Variants in EML6 observed in about 807,000 individuals in gnomAD.
EML6 encodes echinoderm microtubule-associated protein-like 6.
EML6 carries 154 observed loss-of-function variants against 240.1 expected under a neutral mutation model. The ratio of observed to expected loss-of-function variants is 0.64; its 90% CI spans 0.56 to 0.73. The LOEUF is 0.73. Among genes scored for constraint, EML6 ranks in the 30% least tolerant of loss-of-function variants. The pLI is 0.00. For synonymous variants in EML6, 1,148 were observed against 899.0 expected (o/e 1.28, Z -4.95); for missense variants, 2,964 against 2,474.6 (o/e 1.20, Z -4.20).
chr2:54,942,050 C>T (rs1675457564), intron 28 of EML6, among the ~76,000 whole-genome samples: 1 of 152,156 alleles, frequency 6.6e-6, no homozygotes, highest in African/African-American at 2.4e-5. Flanking sequence ...GAATATGATG[C>T]TATTTTCATA....
intron 19 of EML6, among the ~76,000 whole-genome samples, chr2:54,893,895 A>C (rs1262733879): frequency 6.6e-6 from 1 of 152,206 alleles, no homozygotes; most frequent in Non-Finnish European, 1.5e-5. Flanking sequence ...AACTGCAAGT[A>C]TTAGAAAAGA....
intron 24 of EML6, among the ~76,000 whole-genome samples, chr2:54,905,629 GC>G (rs1233664604): frequency 1.3e-5 from 2 of 152,082 alleles, no homozygotes; most frequent in Admixed American, 6.6e-5. Context: ...AACCATCACT[GC>G]CCCCATCTCA....
intron 2 of EML6, among the ~76,000 whole-genome samples, chr2:54,764,811 T>C (rs1031937150): frequency 6.6e-6 from 1 of 152,234 alleles, no homozygotes; most frequent in African/African-American, 2.4e-5. Flanking sequence ...ATTTGGTATA[T>C]GCATGGTAGG....
At chr2:54,800,194 G>A (rs749012439) in intron 2 of EML6, among the ~76,000 whole-genome samples, 2 of 151,628 alleles carry the variant, frequency 1.3e-5, no homozygotes, top group Non-Finnish European at 2.9e-5. Flanking sequence ...GCAGTGAGCC[G>A]AGATCACACT....
At position 54,819,755 on chromosome 2, in the gene EML6, C is replaced by T. The variant is rs896326301; in HGVS notation, c.457-639C>T. Among the ~76,000 whole-genome samples the T allele has an allele frequency of 3.9e-5, 5 of 126,614 alleles. 1 individual carries two copies. The highest frequency in any genetic ancestry group is 8.8e-5 in the African/African-American group (3 of 34,132). The allele number at this position is 126,614 out of a possible 152,430, so 83.1% of individuals were successfully genotyped here. On this transcript the variant is annotated intron_variant, in intron 4 of 41. Transcript: ENST00000356458. ...ACGCCACTGCACTCCAGCCTGGTGA[C>T]GGAGCGAGACTGTCTCAGAAAAAAA...
chr2:54,799,118 T>G (rs935056090), intron 2 of EML6, among the ~76,000 whole-genome samples: 1 of 152,254 alleles, frequency 6.6e-6, no homozygotes, highest in Non-Finnish European at 1.5e-5. Flanking sequence ...TGGAGTGCAG[T>G]GGCACCATCT....
intron 2 of EML6, among the ~76,000 whole-genome samples, chr2:54,789,808 T>C (rs1669329253): frequency 6.6e-6 from 1 of 152,190 alleles, no homozygotes; most frequent in Non-Finnish European, 1.5e-5. Flanking sequence ...GAATCCAGAG[T>C]TAACTCCAGC....
intron 2 of EML6, among the ~76,000 whole-genome samples, chr2:54,772,175 C>G (rs1204206392): frequency 6.6e-6 from 1 of 152,196 alleles, no homozygotes; most frequent in Admixed American, 6.5e-5. Flanking sequence ...TTGTGCCAGA[C>G]ATTGTGCTAG....
intron 3 of EML6, among the ~76,000 whole-genome samples, chr2:54,813,779 C>A (rs1388802088): frequency 1.3e-5 from 2 of 152,202 alleles, no homozygotes; most frequent in Admixed American, 1.3e-4. Flanking sequence ...CTCTTGCTTT[C>A]AAAAGATGAC....
intron 17 of EML6, among the ~76,000 whole-genome samples, chr2:54,886,333 T>G (rs906671499): frequency 1.3e-5 from 2 of 151,658 alleles, no homozygotes; most frequent in Non-Finnish European, 2.9e-5. Context: ...GCCTGGCTAA[T>G]TTTTTGTATT....
chr2:54,847,542 T>C lies in EML6; in HGVS notation c.1106T>C (p.Val369Ala). 1.3e-6 allele frequency: 2 copies of C among 1,552,164 alleles called. No individual in the cohort carries two copies. Among genetic ancestry groups the C allele is most frequent in the Non-Finnish European group, 1.7e-6 (2 of 1,147,100 alleles). The change falls in exon 9 of 42, where the codon GTT (valine) becomes GCT (alanine). Residue 369 changes from valine to alanine, a missense_variant. Val to Ala is a moderately conservative substitution (Grantham distance 64, BLOSUM62 0). Coordinates refer to ENST00000356458, the MANE Select transcript of EML6 (RefSeq NM_001039753.4). ...GCCCGCTGTAACATGGAAGAGGCGGTTCGCAGTGTAGCTTTCAGCCCCGAC... is the reference window on the plus strand; with the variant it reads ...GCCCGCTGTAACATGGAAGAGGCGGCTCGCAGTGTAGCTTTCAGCCCCGAC... ...LIARCNMEEAVRSVAFSPDGS... is the reference protein window; with the variant it reads ...LIARCNMEEAARSVAFSPDGS...
At chr2:54,923,779 CCTT>C (rs1359237525) in intron 26 of EML6, among the ~76,000 whole-genome samples, 1 of 152,130 alleles carries the variant, frequency 6.6e-6, no homozygotes, top group Non-Finnish European at 1.5e-5. Flanking sequence ...TCCTCATACT[CCTT>C]CTGGGCCAGT....
At chr2:54,751,901 T>C (rs1384518566) in intron 2 of EML6, among the ~76,000 whole-genome samples, 2 of 152,190 alleles carry the variant, frequency 1.3e-5, no homozygotes, top group East Asian at 3.8e-4. Context: ...ATAAGGGTGA[T>C]AGGCCTTTGG....
chr2:54,826,613 A>C (rs1018167982), intron 5 of EML6, among the ~76,000 whole-genome samples: 3 of 152,106 alleles, frequency 2.0e-5, no homozygotes, highest in Admixed American at 6.5e-5. Flanking sequence ...CTGCCCCCCC[A>C]AAAAAACTAT....
chr2:54,877,855 G>T (rs1374529404), intron 16 of EML6, among the ~76,000 whole-genome samples: 1 of 152,182 alleles, frequency 6.6e-6, no homozygotes, highest in Non-Finnish European at 1.5e-5. Flanking sequence ...AGAGGATTTG[G>T]TTTGTTAAAC....
chr2:54,902,870 C>T (rs1374246571), intron 22 of EML6, among the ~76,000 whole-genome samples, 174 bp from the exon 23 acceptor site: 2 of 152,210 alleles, frequency 1.3e-5, no homozygotes, highest in Admixed American at 1.3e-4. Context: ...CTGCTGCGCC[C>T]AGACAAGAGG....
At chr2:54,943,366 C>T (rs1261988609) in intron 28 of EML6, among the ~76,000 whole-genome samples, 2 of 152,194 alleles carry the variant, frequency 1.3e-5, no homozygotes, top group East Asian at 3.8e-4. Flanking sequence ...CTGTGTCACT[C>T]TCCCACAGCC....
rs142782372 is a variant in EML6, at chr2:54,858,025, A to G, written c.1658-1509A>G. Among the ~76,000 whole-genome samples, 4 of 152,322 alleles carry G rather than the reference A, an allele frequency of 2.6e-5. No individual in the cohort carries two copies. The East Asian group carries it at 7.7e-4, about 29-fold the overall frequency. ...TAAATGCACAAACATTTATTATATC[A>G]TGGTTTCTGGGAGTCAAGGAGTCCC... On this transcript the variant is annotated intron_variant, in intron 11 of 41. Coordinates refer to ENST00000356458, the MANE Select transcript of EML6 (RefSeq NM_001039753.4).
intron 7 of EML6, among the ~76,000 whole-genome samples, chr2:54,841,749 T>C (rs971611322): frequency 6.6e-6 from 1 of 152,012 alleles, no homozygotes; most frequent in Non-Finnish European, 1.5e-5. Flanking sequence ...CGTGCTACCA[T>C]GTCCAGCTAA....
Sources: allele counts gnomAD v4.1 joint callset (sites outside exome capture counted in the v4.1 genomes callset), GRCh38; gene constraint gnomAD v4.1.1; transcripts MANE v1.5; gene names NCBI Gene and HGNC (gene_info 2026-07-23, HGNC 2026-07-21).